The following HEPACAM variants were observed in gnomAD, a reference collection of about 807,000 sequenced individuals.
HEPACAM encodes the protein hepatic and glial cell adhesion molecule.
A neutral mutation model predicts 38.3 loss-of-function variants in HEPACAM; 18 were observed. That is an observed-to-expected ratio of 0.47 (90% CI 0.33 to 0.70). The LOEUF (loss-of-function observed/expected upper bound fraction) is 0.70, where lower values mean the gene tolerates loss of function less well. HEPACAM is among the 30% of genes least tolerant of loss of function. HEPACAM has a pLI of 0.03. For missense variants in HEPACAM, 466 were observed against 563.0 expected (o/e 0.83, Z 1.74); for synonymous variants, 216 against 243.1 (o/e 0.89, Z 1.04).
At position 124,925,100 on chromosome 11, in the gene HEPACAM, A is replaced by G. The variant is rs752430463; in HGVS notation, c.86-31T>C. 2.6e-6 allele frequency: 4 copies of G among 1,539,790 alleles called. No homozygotes were observed. The African/African-American group carries it at 4.1e-5, about 16-fold the overall frequency. On this transcript the variant is annotated intron_variant, in intron 1 of 6. Coordinates refer to ENST00000298251, the MANE Select transcript of HEPACAM (RefSeq NM_152722.5). ...AACAGAGGCCCATGAGGAAGAGGGA[A>G]GCATCAGGCCCTGGGCTCCTTAGCC...
Position 124,930,019 on chromosome 11 carries a change from C to T in HEPACAM, c.86-4950G>A, listed in dbSNP as rs564581090. ...TAACACCAAAGGCTGCTGCCATGTCCCTTTTCATCTGAAAAGTTTTTGGTT... is the reference window on the plus strand; with the variant it reads ...TAACACCAAAGGCTGCTGCCATGTCTCTTTTCATCTGAAAAGTTTTTGGTT... On this transcript the variant is annotated intron_variant, in intron 1 of 6. Coordinates refer to ENST00000298251, the MANE Select transcript of HEPACAM (RefSeq NM_152722.5). Among the ~76,000 whole-genome samples, 41 of 152,258 alleles carry T rather than the reference C, an allele frequency of 2.7e-4. No homozygotes were observed. In the Middle Eastern group the frequency reaches 0.01, roughly 38 times the overall value.
Position 124,921,304 on chromosome 11 carries a change from G to C in HEPACAM, c.1085C>G (p.Pro362Arg). The C allele has an allele frequency of 8.4e-6, 11 of 1,301,930 alleles. No homozygotes were observed. The highest frequency in any genetic ancestry group is 1.1e-5 in the Non-Finnish European group (11 of 1,032,158). The allele number at this position is 1,301,930 out of a possible 1,614,324, so 80.6% of individuals were successfully genotyped here. A position where few individuals can be genotyped will look rare whatever the true frequency, so the allele number is the denominator to read the frequency against. ...GLPIRSARRY[P>R]RSPARSPATG... ...GGCTGGGGAGCGCGCTGGGGAGCGC[G>C]GGTAGCGGCGGGCAGAGCGGATGGG... Residue 362 changes from proline (P) to arginine (R), a missense_variant, in exon 7 of 7, where the codon CCG (proline) becomes CGG (arginine). Physicochemically the swap from Pro to Arg is moderately radical, Grantham distance 103 (BLOSUM62 -2). Transcript: ENST00000298251. The surrounding 1 kb of genome is among the most constrained non-coding windows in gnomAD (Gnocchi z 4.6).
intron 1 of HEPACAM, among the ~76,000 whole-genome samples, chr11:124,935,128 G>T (rs2135409384): frequency 6.6e-6 from 1 of 152,172 alleles, no homozygotes. Flanking sequence ...CCCACACCCT[G>T]TGTCCTACCC....
At chr11:124,923,605 G>T in intron 3 of HEPACAM, 124 bp downstream of exon 3, 1 of 1,282,538 alleles carries the variant, frequency 7.8e-7, no homozygotes, top group South Asian at 1.2e-5. Context: ...TGTCCTCCAT[G>T]GATAGTTGGC....
At position 124,919,695 on chromosome 11, in the gene HEPACAM, A is replaced by C; in HGVS notation, c.*1443T>G. 6.3e-7 allele frequency: 1 copy of C among 1,590,148 alleles called. No individual in the cohort carries two copies. The highest frequency in any genetic ancestry group is 1.7e-5 in the Admixed American group (1 of 59,004). On this transcript the variant is annotated 3_prime_UTR_variant, in exon 7 of 7. Transcript: ENST00000298251. ...GTGGGGTTCAGGGCAGAGGGGGCAA[A>C]CTAGAAATGTCAGTGCCTTTGGGGC...
chr11:124,923,537 G>T, intron 3 of HEPACAM, 104 bp from the exon 4 acceptor site: 1 of 1,097,996 alleles, frequency 9.1e-7, no homozygotes, highest in Non-Finnish European at 1.4e-6. Context: ...GCCCCAGGCT[G>T]CATGCCTGGC....
chr11:124,932,546 T>A (rs2135407109), intron 1 of HEPACAM, among the ~76,000 whole-genome samples: 1 of 152,304 alleles, frequency 6.6e-6, no homozygotes, highest in Middle Eastern at 3.4e-3. Flanking sequence ...ACTGTGTAGC[T>A]CCATGACGCC....
At position 124,920,563 on chromosome 11, in the gene HEPACAM, C is replaced by A; in HGVS notation, c.*575G>T. 1 of 1,332,026 alleles carries A rather than the reference C, an allele frequency of 7.5e-7. No individual in the cohort carries two copies. Among genetic ancestry groups the A allele is most frequent in the Non-Finnish European group, 9.8e-7 (1 of 1,019,710 alleles). The allele number at this position is 1,332,026 out of a possible 1,614,324, so 82.5% of individuals were successfully genotyped here. ...AGGTGCCCAGGGAAGAAGGCCTTCACAATGATCCCCCCAGCTCAGAACAGC... is the reference window on the plus strand; with the variant it reads ...AGGTGCCCAGGGAAGAAGGCCTTCAAAATGATCCCCCCAGCTCAGAACAGC... On this transcript the variant is annotated 3_prime_UTR_variant, in exon 7 of 7. Coordinates refer to ENST00000298251, the MANE Select transcript of HEPACAM (RefSeq NM_152722.5).
chr11:124,935,908 C>T lies in HEPACAM; in HGVS notation c.85+14G>A, dbSNP rs1591555375. On this transcript the variant is annotated intron_variant, in intron 1 of 6. Transcript: ENST00000298251. Reference sequence around the variant, plus strand: ...TCCTTTCTTCAGACCCTTTCTTACCCTCTGGCCTCCTACCTGTCTGGATCA... The same window carrying T: ...TCCTTTCTTCAGACCCTTTCTTACCTTCTGGCCTCCTACCTGTCTGGATCA... The T allele has an allele frequency of 6.2e-7, 1 of 1,613,084 alleles. No homozygotes were observed. The highest frequency in any genetic ancestry group is 8.5e-7 in the Non-Finnish European group (1 of 1,179,106).
chr11:124,933,169 C>T lies in HEPACAM; in HGVS notation c.85+2753G>A, dbSNP rs561479949. 2.7e-4 allele frequency among the ~76,000 whole-genome samples: 41 copies of T among 152,180 alleles called. No homozygotes were observed. In the South Asian group the frequency reaches 8.1e-3, roughly 30 times the overall value. Reference sequence around the variant, plus strand: ...ATTAACTAATATCCTATTAGCATAACTTACATTATAATTTTTTTTTTTGAG... The same window carrying T: ...ATTAACTAATATCCTATTAGCATAATTTACATTATAATTTTTTTTTTTGAG... On this transcript the variant is annotated intron_variant, in intron 1 of 6. Coordinates refer to ENST00000298251, the MANE Select transcript of HEPACAM (RefSeq NM_152722.5).
chr11:124,925,180 A>C (rs1591549834), intron 1 of HEPACAM, 111 bp from the exon 2 acceptor site: 2 of 776,490 alleles, frequency 2.6e-6, no homozygotes, highest in Non-Finnish European at 4.0e-6. Flanking sequence ...CTGGCTCTTC[A>C]CTCCCTGCCA....
Position 124,919,833 on chromosome 11 carries a change from C to A in HEPACAM, c.*1305G>T, listed in dbSNP as rs750107338. The A allele has an allele frequency of 1.2e-6, 2 of 1,614,096 alleles. No individual in the cohort carries two copies. The highest frequency in any genetic ancestry group is 2.2e-5 in the East Asian group (1 of 44,874). On this transcript the variant is annotated 3_prime_UTR_variant, in exon 7 of 7. Coordinates refer to ENST00000298251, the MANE Select transcript of HEPACAM (RefSeq NM_152722.5). ...TTTAGGAGACTAGGGATGCAAGGAC[C>A]CTTGGAGGCATTAAGGAGGAGGGAA...
Position 124,924,792 on chromosome 11 carries a change from C to T in HEPACAM, c.363G>A (p.Glu121=), listed in dbSNP as rs112686308. 0.04 allele frequency: 63,977 copies of T among 1,614,042 alleles called. 1,480 individuals are homozygous for T. The highest frequency in any genetic ancestry group is 0.052 in the South Asian group (4,736 of 91,074). The change falls in exon 2 of 7, where the codon GAG becomes GAA. Residue 121 remains glutamate, a synonymous_variant. Coordinates refer to ENST00000298251, the MANE Select transcript of HEPACAM (RefSeq NM_152722.5). The surrounding 1 kb of genome is among the most constrained non-coding windows in gnomAD (Gnocchi z 4.4). The part of the protein sequence containing the change: ...DLQLADEGTY[E]VEISITDDTF... ...TGTCGTCGGTGATGGAGATCTCGAC[C>T]TCATAGGTGCCCTCATCGGCCAGCT... is the stretch of plus-strand genomic sequence containing the variant.
In HEPACAM at chr11:124,920,387, A is replaced by G. The variant is rs1947111200; in HGVS notation, c.*751T>C. On this transcript the variant is annotated 3_prime_UTR_variant, in exon 7 of 7. Coordinates refer to ENST00000298251, the MANE Select transcript of HEPACAM (RefSeq NM_152722.5). ...CTTTTATTCATGAACAGAGACAGAAAGAGTGCTTGGCATGGCATGCCTCCG... is the reference window on the plus strand; with the variant it reads ...CTTTTATTCATGAACAGAGACAGAAGGAGTGCTTGGCATGGCATGCCTCCG... 2.1e-5 allele frequency: 32 copies of G among 1,548,222 alleles called. No homozygotes were observed. Among genetic ancestry groups the G allele is most frequent in the Non-Finnish European group, 2.7e-5 (31 of 1,145,980 alleles).
rs1197784282 is a variant in HEPACAM, at chr11:124,919,837, G to A, written c.*1301C>T. The A allele has an allele frequency of 1.9e-6, 3 of 1,614,020 alleles. No homozygotes were observed. The African/African-American group carries it at 4.0e-5, about 22-fold the overall frequency. On this transcript the variant is annotated 3_prime_UTR_variant, in exon 7 of 7. Coordinates refer to ENST00000298251, the MANE Select transcript of HEPACAM (RefSeq NM_152722.5). ...GGAGACTAGGGATGCAAGGACCCTT[G>A]GAGGCATTAAGGAGGAGGGAATGGA... is the stretch of plus-strand genomic sequence containing the variant.
chr11:124,923,568 G>A, intron 3 of HEPACAM, 135 bp from the exon 4 acceptor site: 1 of 1,105,432 alleles, frequency 9.0e-7, no homozygotes, highest in Non-Finnish European at 1.4e-6. Context: ...GGTGGAGCTT[G>A]TACAGAACCC....
At position 124,923,814 on chromosome 11, in the gene HEPACAM, G is replaced by A. The variant is rs1215708604; in HGVS notation, c.624C>T (p.Leu208=). Residue 208 remains leucine, a synonymous_variant, in exon 3 of 7, where the codon CTC becomes CTT. Coordinates refer to ENST00000298251, the MANE Select transcript of HEPACAM (RefSeq NM_152722.5). ...AGCTGTACAGGTCGTCATCCTCCAT[G>A]AGCACGCGGGTGATGGTGAGCACCT... ...DQKVLTITRV[L]MEDDDLYSCM... 1 of 1,614,230 alleles carries A rather than the reference G, an allele frequency of 6.2e-7. No individual in the cohort carries two copies. The highest frequency in any genetic ancestry group is 1.7e-5 in the Admixed American group (1 of 60,032).
chr11:124,920,333 C>T lies in HEPACAM; in HGVS notation c.*805G>A. 6.8e-7 allele frequency: 1 copy of T among 1,464,282 alleles called. No individual in the cohort carries two copies. Among genetic ancestry groups the T allele is most frequent in the Non-Finnish European group, 9.3e-7 (1 of 1,080,964 alleles). The allele number at this position is 1,464,282 out of a possible 1,614,324, so 90.7% of individuals were successfully genotyped here. A position where few individuals can be genotyped will look rare whatever the true frequency, so the allele number is the denominator to read the frequency against. On this transcript the variant is annotated 3_prime_UTR_variant, in exon 7 of 7. Transcript: ENST00000298251. ...GGGCCAGGGGAGTAAGTGAAATTCACTTCTCTATAAGAATAAGCCCATCCA... is the reference window on the plus strand; with the variant it reads ...GGGCCAGGGGAGTAAGTGAAATTCATTTCTCTATAAGAATAAGCCCATCCA...
rs574664976 is a variant in HEPACAM at position 124,925,928 on chromosome 11, C to T, written c.86-859G>A. On this transcript the variant is annotated intron_variant, in intron 1 of 6. Transcript: ENST00000298251. ...AGGATAATAATAACAAGGCTGGGCG[C>T]GGTGGCTCACGCCTGTAATCGCAGC... 5.9e-5 allele frequency among the ~76,000 whole-genome samples: 9 copies of T among 152,176 alleles called. No homozygotes were observed. The South Asian group carries it at 1.2e-3, about 21-fold the overall frequency.
Sources: allele counts gnomAD v4.1 joint callset (sites outside exome capture counted in the v4.1 genomes callset), GRCh38; gene constraint gnomAD v4.1.1; non-coding constraint Gnocchi (gnomAD v3.1); transcripts MANE v1.5; gene names NCBI Gene and HGNC (gene_info 2026-07-23, HGNC 2026-07-21).